The following MMP26 variants were observed in gnomAD, a reference collection of about 807,000 sequenced individuals.
MMP26 encodes matrix metalloproteinase-26.
MMP26 carries 33 observed loss-of-function variants against 31.0 expected under a neutral mutation model. That is an observed-to-expected ratio of 1.06 (90% CI 0.81 to 1.42). The LOEUF (loss-of-function observed/expected upper bound fraction) is 1.42, where lower values mean the gene tolerates loss of function less well. Ranked by LOEUF, MMP26 falls within the 40% of genes most tolerant of loss-of-function variation. The pLI is 0.00. For synonymous variants in MMP26, 122 were observed against 114.9 expected (o/e 1.06, Z -0.40); for missense variants, 347 against 316.1 (o/e 1.10, Z -0.74).
chr11:4,892,762 G>C (rs1490883504), intron 2 of MMP26, among the ~76,000 whole-genome samples: 2 of 152,130 alleles, frequency 1.3e-5, no homozygotes, highest in South Asian at 4.1e-4. Flanking sequence ...TCTTGCTTTG[G>C]CATGATCTTT....
intron 2 of MMP26, among the ~76,000 whole-genome samples, chr11:4,905,616 G>T (rs1358734589): frequency 6.6e-6 from 1 of 151,868 alleles, no homozygotes; most frequent in Non-Finnish European, 1.5e-5. Flanking sequence ...CCTTCCATTG[G>T]CTCTACCTTC....
At chr11:4,754,095 GAT>G (rs1848478531) in intron 1 of MMP26, among the ~76,000 whole-genome samples, 1 of 135,176 alleles carries the variant, frequency 7.4e-6, no homozygotes, top group African/African-American at 2.7e-5. Context: ...CTAAAAGAGA[GAT>G]TTTTTTTTTT....
intron 2 of MMP26, among the ~76,000 whole-genome samples, chr11:4,975,223 A>G (rs1846721545): frequency 6.6e-6 from 1 of 152,044 alleles, no homozygotes; most frequent in Non-Finnish European, 1.5e-5. Context: ...TTAAGATAAT[A>G]TTTACCTAGA....
intron 2 of MMP26, among the ~76,000 whole-genome samples, chr11:4,791,982 T>C (rs1175871592): frequency 6.6e-6 from 1 of 152,014 alleles, no homozygotes; most frequent in Non-Finnish European, 1.5e-5. Context: ...TGAGATTTTA[T>C]AGCCTGAGTT....
At chr11:4,885,183 C>T (rs1430722913) in intron 2 of MMP26, among the ~76,000 whole-genome samples, 1 of 151,938 alleles carries the variant, frequency 6.6e-6, no homozygotes, top group East Asian at 1.9e-4. Context: ...TTATTTTATG[C>T]AATGTATTTT....
intron 2 of MMP26, chr11:4,833,164 T>C (rs1253990441): frequency 6.6e-6 from 1 of 152,194 alleles, no homozygotes; most frequent in African/African-American, 2.4e-5. Flanking sequence ...TTCTATTTAC[T>C]TCAAAGTTTT....
intron 2 of MMP26, among the ~76,000 whole-genome samples, chr11:4,925,090 G>C (rs1004721370): frequency 1.3e-5 from 2 of 152,246 alleles, no homozygotes; most frequent in Middle Eastern, 3.4e-3. Context: ...TGCCTAATGT[G>C]CATTACATCA....
At chr11:4,855,200 A>C (rs1322939207) in intron 2 of MMP26, among the ~76,000 whole-genome samples, 1 of 152,194 alleles carries the variant, frequency 6.6e-6, no homozygotes, top group Non-Finnish European at 1.5e-5. Flanking sequence ...CAGTACAACA[A>C]AGCTGGACAG....
intron 2 of MMP26, among the ~76,000 whole-genome samples, chr11:4,802,125 A>C (rs929544351): frequency 1.3e-5 from 2 of 152,238 alleles, no homozygotes; most frequent in African/African-American, 4.8e-5. Flanking sequence ...TCATTGGTTC[A>C]GAATATTTAA....
At chr11:4,882,714 G>A (rs771605359) in intron 2 of MMP26, 5 of 1,613,914 alleles carry the variant, frequency 3.1e-6, no homozygotes, top group Non-Finnish European at 4.2e-6. Flanking sequence ...TCCACCCCAA[G>A]GGTGCTCTGT....
chr11:4,921,754 C>T (rs1253465205), intron 2 of MMP26, among the ~76,000 whole-genome samples: 1 of 152,172 alleles, frequency 6.6e-6, no homozygotes. Context: ...GTTATGTTTG[C>T]AGTTGTTTTC....
chr11:4,927,136 T>C (rs1264696889), intron 2 of MMP26, among the ~76,000 whole-genome samples: 1 of 152,186 alleles, frequency 6.6e-6, no homozygotes, highest in East Asian at 1.9e-4. Flanking sequence ...GGCCGGGCAA[T>C]GATCCTGATG....
intron 2 of MMP26, among the ~76,000 whole-genome samples, chr11:4,872,021 T>G (rs2133527357): frequency 6.6e-6 from 1 of 152,244 alleles, no homozygotes; most frequent in East Asian, 1.9e-4. Context: ...AGCTTTAGTT[T>G]TGGGATCTGG....
intron 2 of MMP26, among the ~76,000 whole-genome samples, chr11:4,817,198 T>C (rs887207927): frequency 1.3e-5 from 2 of 152,208 alleles, no homozygotes; most frequent in East Asian, 1.9e-4. Context: ...TATTATACTA[T>C]GGGGACTAAA....
At chr11:4,882,487 C>G in intron 2 of MMP26, 1 of 1,613,950 alleles carries the variant, frequency 6.2e-7, no homozygotes, top group Non-Finnish European at 8.5e-7. Context: ...AACCTTGGAT[C>G]AGCAGTTTTT....
At chr11:4,722,163 A>T (rs984290768) in intron 1 of MMP26, among the ~76,000 whole-genome samples, 6 of 152,182 alleles carry the variant, frequency 3.9e-5, no homozygotes, top group Non-Finnish European at 5.9e-5. Context: ...TTTCTTTATA[A>T]GTTACCCAGT....
intron 3 of MMP26, among the ~76,000 whole-genome samples, chr11:4,988,691 T>G (rs887402161): frequency 2.6e-5 from 4 of 152,170 alleles, no homozygotes; most frequent in African/African-American, 9.7e-5. Flanking sequence ...ACCTTCACAT[T>G]GACTGAGTAA....
At chr11:4,828,063 T>A (rs1356742031) in intron 2 of MMP26, among the ~76,000 whole-genome samples, 1 of 152,112 alleles carries the variant, frequency 6.6e-6, no homozygotes, top group Non-Finnish European at 1.5e-5. Flanking sequence ...AAAAAATACA[T>A]CAACATTAGA....
chr11:4,982,647 T>C (rs1846830262), intron 2 of MMP26, among the ~76,000 whole-genome samples: 1 of 152,226 alleles, frequency 6.6e-6, no homozygotes, highest in East Asian at 1.9e-4. Flanking sequence ...ATTACTATTT[T>C]GATAAGTAGT....
Sources: allele counts gnomAD v4.1 joint callset (sites outside exome capture counted in the v4.1 genomes callset), GRCh38; gene constraint gnomAD v4.1.1; transcripts MANE v1.5; gene names NCBI Gene and HGNC (gene_info 2026-07-23, HGNC 2026-07-21).